Variants in LIPI observed in about 807,000 individuals in gnomAD.
The protein encoded by LIPI is lipase member I.
LIPI carries 59 observed loss-of-function variants against 50.6 expected under a neutral mutation model. That is an observed-to-expected ratio of 1.16 (90% CI 0.94 to 1.45). The LOEUF is 1.45. LIPI is among the 40% of genes most tolerant of loss of function. LIPI has a pLI of 0.00. For missense variants in LIPI, 586 were observed against 536.3 expected (o/e 1.09, Z -0.92); for synonymous variants, 203 against 178.2 (o/e 1.14, Z -1.11).
At chr21:14,158,134 T>A (rs1406283769) in intron 7 of LIPI, among the ~76,000 whole-genome samples, 8 of 151,750 alleles carry the variant, frequency 5.3e-5, no homozygotes, top group Non-Finnish European at 1.0e-4. Context: ...TATTACTTTA[T>A]ACCCAAAAAA....
rs142775755 is a variant in LIPI, at chr21:14,158,734, C to G, written c.1006+4685G>C. Among the ~76,000 whole-genome samples, 18 of 149,706 alleles carry G rather than the reference C, an allele frequency of 1.2e-4. No homozygotes were observed. The East Asian group carries it at 3.1e-3, about 26-fold the overall frequency. The stretch of plus-strand genomic sequence containing the variant: ...ATTCTTGAATAAAAACCAATAAAAT[C>G]GATAAACCATTTTGTCTAGCAAGAC... On this transcript the variant is annotated intron_variant, in intron 7 of 9. Transcript: ENST00000681601.
intron 1 of LIPI, among the ~76,000 whole-genome samples, chr21:14,199,440 C>T (rs1327058606): frequency 6.6e-6 from 1 of 151,540 alleles, no homozygotes; most frequent in African/African-American, 2.4e-5. Context: ...AACACAACCA[C>T]CAGAGAATAT....
intron 6 of LIPI, among the ~76,000 whole-genome samples, chr21:14,163,831 C>T (rs1156594152): frequency 6.6e-6 from 1 of 151,726 alleles, no homozygotes; most frequent in Non-Finnish European, 1.5e-5. Flanking sequence ...AGGATTTTAC[C>T]TGTAATTCCT....
intron 9 of LIPI, among the ~76,000 whole-genome samples, chr21:14,112,475 G>T (rs888987261): frequency 3.3e-5 from 5 of 151,888 alleles, no homozygotes; most frequent in Admixed American, 6.6e-5. Flanking sequence ...ACAAACATGG[G>T]ATATCTTTCA....
At position 14,172,507 on chromosome 21, in the gene LIPI, A is replaced by C. The variant is rs1280300824; in HGVS notation, c.644-6056T>G. On this transcript the variant is annotated intron_variant, in intron 4 of 9. Coordinates refer to ENST00000681601, the MANE Select transcript of LIPI (RefSeq NM_001302998.2). ...ATAGACTGGATTAAGAAAATGTGGC[A>C]CATATACACCATGGAATACTATGCA... Among the ~76,000 whole-genome samples, 7 of 151,462 alleles carry C rather than the reference A, an allele frequency of 4.6e-5. No homozygotes were observed. In the South Asian group the frequency reaches 1.0e-3, roughly 23 times the overall value.
intron 1 of LIPI, among the ~76,000 whole-genome samples, chr21:14,208,271 C>T (rs1600945296): frequency 6.6e-6 from 1 of 152,170 alleles, no homozygotes; most frequent in Non-Finnish European, 1.5e-5. Context: ...GTAGGCATCA[C>T]CTGAGTGCTT....
chr21:14,198,115 AG>A (rs1206695146), intron 1 of LIPI, among the ~76,000 whole-genome samples: 2 of 152,318 alleles, frequency 1.3e-5, no homozygotes, highest in Non-Finnish European at 2.9e-5. Flanking sequence ...GAGCTCTGGA[AG>A]AAAGCACTAG....
At chr21:14,187,584 A>G (rs566019976) in intron 2 of LIPI, among the ~76,000 whole-genome samples, 3 of 152,302 alleles carry the variant, frequency 2.0e-5, no homozygotes, top group Admixed American at 2.0e-4. Context: ...CATTCTCCAC[A>G]CTTTGAGGCA....
chr21:14,151,790 A>G (rs1248900222), intron 8 of LIPI, among the ~76,000 whole-genome samples: 1 of 152,160 alleles, frequency 6.6e-6, no homozygotes, highest in Non-Finnish European at 1.5e-5. Context: ...ACCTTAAAAT[A>G]TGTACACACA....
At chr21:14,190,655 A>C (rs1376922751) in intron 1 of LIPI, among the ~76,000 whole-genome samples, 1 of 152,238 alleles carries the variant, frequency 6.6e-6, no homozygotes, top group Non-Finnish European at 1.5e-5. Context: ...CAAGACTTGC[A>C]TTCCATTCCT....
At chr21:14,140,848 C>G (rs2017680684) in intron 9 of LIPI, among the ~76,000 whole-genome samples, 1 of 151,968 alleles carries the variant, frequency 6.6e-6, no homozygotes. Flanking sequence ...ATTCATTATT[C>G]AGTCTGTTTG....
intron 3 of LIPI, among the ~76,000 whole-genome samples, chr21:14,184,780 A>G (rs1212147202): frequency 6.6e-6 from 1 of 152,232 alleles, no homozygotes; most frequent in Non-Finnish European, 1.5e-5. Flanking sequence ...AGCTTTAAGC[A>G]CTAGGGAACT....
At chr21:14,170,160 C>A (rs978230666) in intron 4 of LIPI, among the ~76,000 whole-genome samples, 8 of 152,214 alleles carry the variant, frequency 5.3e-5, no homozygotes, top group South Asian at 2.1e-4. Context: ...GAAGACTAAA[C>A]CAGGAAGAAG....
rs959018366 is a variant in LIPI, at chr21:14,144,612, A to C, written c.1295+11T>G. The C allele has an allele frequency of 1.4e-6, 2 of 1,421,448 alleles. No individual in the cohort carries two copies. The highest frequency in any genetic ancestry group is 3.5e-5 in the Admixed American group (2 of 57,356). The allele number at this position is 1,421,448 out of a possible 1,614,324, so 88.1% of individuals were successfully genotyped here. On this transcript the variant is annotated intron_variant, in intron 9 of 9. Transcript: ENST00000681601. Reference sequence around the variant, plus strand: ...AGATAACATGTTGAAATCAAAATTTAATTTTCTTACCTTTCTGGGTATGTA... The same window carrying C: ...AGATAACATGTTGAAATCAAAATTTCATTTTCTTACCTTTCTGGGTATGTA...
chr21:14,184,593 A>C (rs2019389933), intron 3 of LIPI, among the ~76,000 whole-genome samples: 1 of 152,184 alleles, frequency 6.6e-6, no homozygotes, highest in Admixed American at 6.6e-5. Context: ...AACCCACTTG[A>C]CTGAATGAGA....
chr21:14,197,732 C>T (rs547976267), intron 1 of LIPI, among the ~76,000 whole-genome samples: 3 of 151,944 alleles, frequency 2.0e-5, no homozygotes, highest in Admixed American at 2.0e-4. Flanking sequence ...CCCAACCTAC[C>T]GGAGAGGCCA....
At chr21:14,175,944 C>G (rs931334818) in intron 4 of LIPI, among the ~76,000 whole-genome samples, 1 of 151,900 alleles carries the variant, frequency 6.6e-6, no homozygotes, top group Non-Finnish European at 1.5e-5. Context: ...TTTGGGAGGC[C>G]GAGGCGGGCG....
At chr21:14,131,078 G>A (rs2017274847) in intron 9 of LIPI, among the ~76,000 whole-genome samples, 1 of 152,156 alleles carries the variant, frequency 6.6e-6, no homozygotes, top group Non-Finnish European at 1.5e-5. Context: ...AGCCTCCTGA[G>A]TGGCTGGGAC....
At chr21:14,148,097 T>G (rs955989064) in intron 8 of LIPI, among the ~76,000 whole-genome samples, 2 of 152,032 alleles carry the variant, frequency 1.3e-5, no homozygotes, top group Non-Finnish European at 2.9e-5. Flanking sequence ...AAAATAACAT[T>G]CAGTATAAAA....
Sources: allele counts gnomAD v4.1 joint callset (sites outside exome capture counted in the v4.1 genomes callset), GRCh38; gene constraint gnomAD v4.1.1; transcripts MANE v1.5; gene names NCBI Gene and HGNC (gene_info 2026-07-23, HGNC 2026-07-21).